Variants in REEP3 observed in about 807,000 individuals in gnomAD.
The protein encoded by REEP3 is receptor expression-enhancing protein 3.
Under a neutral mutation model 41.3 loss-of-function variants are expected in REEP3, and 20 were observed. The observed-to-expected ratio is 0.48, with a 90% CI of 0.34 to 0.70. REEP3 has a LOEUF of 0.70. Among genes scored for constraint, REEP3 ranks in the 30% least tolerant of loss-of-function variants. The pLI, the probability that REEP3 is intolerant of heterozygous loss-of-function variation, is 0.01. For missense variants in REEP3, 271 were observed against 308.8 expected (o/e 0.88, Z 0.92); for synonymous variants, 104 against 101.8 (o/e 1.02, Z -0.13).
chr10:63,547,556 A>C (rs1955590943), intron 1 of REEP3, among the ~76,000 whole-genome samples: 1 of 152,214 alleles, frequency 6.6e-6, no homozygotes, highest in Admixed American at 6.5e-5. Context: ...GTAATGCTGG[A>C]CCACATTTCT....
intron 2 of REEP3, among the ~76,000 whole-genome samples, chr10:63,567,424 T>C (rs755647620): frequency 9.2e-5 from 14 of 152,220 alleles, no homozygotes; most frequent in Non-Finnish European, 1.6e-4. Context: ...AATAGAATCA[T>C]ATAATATGTG....
chr10:63,565,790 TA>T (rs1361194277), intron 1 of REEP3, among the ~76,000 whole-genome samples: 1 of 152,218 alleles, frequency 6.6e-6, no homozygotes, highest in African/African-American at 2.4e-5. Context: ...AACCACAGAA[TA>T]TTTTTTGCAA....
intron 2 of REEP3, among the ~76,000 whole-genome samples, chr10:63,588,923 A>G (rs1370698980): frequency 2.0e-5 from 3 of 152,290 alleles, no homozygotes; most frequent in East Asian, 3.9e-4. Flanking sequence ...AGCATGCAAA[A>G]GGCCTCGAGG....
At chr10:63,613,864 T>C (rs890608486) in intron 6 of REEP3, among the ~76,000 whole-genome samples, 6 of 152,142 alleles carry the variant, frequency 3.9e-5, no homozygotes, top group Non-Finnish European at 8.8e-5. Context: ...TTAAACTATA[T>C]AATAGGAAGT....
chr10:63,609,501 T>C (rs1005301877), intron 5 of REEP3, among the ~76,000 whole-genome samples: 1 of 149,930 alleles, frequency 6.7e-6, no homozygotes, highest in Non-Finnish European at 1.5e-5. Context: ...GGCTCACATC[T>C]AAAATCTCAG....
At position 63,620,807 on chromosome 10, in the gene REEP3, C is replaced by G. The variant is rs1433946545; in HGVS notation, c.712-6C>G. The G allele has an allele frequency of 1.9e-6, 3 of 1,589,024 alleles. No individual in the cohort carries two copies. The highest frequency in any genetic ancestry group is 2.6e-6 in the Non-Finnish European group (3 of 1,162,596). On this transcript the variant is annotated splice_region_variant and splice_polypyrimidine_tract_variant and intron_variant, in intron 7 of 7. Transcript: ENST00000373758. ...ATTCTTAATAATAAAACATTTCTCT[C>G]TTCAGGTGCGGTACGGGTCACTAAA...
Position 63,608,222 on chromosome 10 carries a change from G to A in REEP3, c.418-1965G>A, listed in dbSNP as rs376103285. The stretch of plus-strand genomic sequence containing the variant: ...TAAGTAAATGATATCTAATAAGGAG[G>A]AAGCAAGTATAATAAATTAATCCAT... On this transcript the variant is annotated intron_variant, in intron 5 of 7. Coordinates refer to ENST00000373758, the MANE Select transcript of REEP3 (RefSeq NM_001001330.3). Among the ~76,000 whole-genome samples, 16 of 152,296 alleles carry A rather than the reference G, an allele frequency of 1.1e-4. No individual in the cohort carries two copies. In the East Asian group the frequency reaches 2.5e-3, roughly 24 times the overall value.
chr10:63,587,960 T>G (rs1222064198), intron 2 of REEP3, among the ~76,000 whole-genome samples: 1 of 152,248 alleles, frequency 6.6e-6, no homozygotes, highest in East Asian at 1.9e-4. Context: ...GACCTTTCAT[T>G]ATAGCCCTTG....
At chr10:63,550,725 A>C (rs916951619) in intron 1 of REEP3, among the ~76,000 whole-genome samples, 5 of 152,212 alleles carry the variant, frequency 3.3e-5, no homozygotes, top group Non-Finnish European at 1.5e-5. Context: ...ATAAGCCACA[A>C]ACCTAGAGCT....
At chr10:63,556,641 T>TTTG (rs1955688193) in intron 1 of REEP3, among the ~76,000 whole-genome samples, 1 of 100,888 alleles carries the variant, frequency 9.9e-6, no homozygotes, top group African/African-American at 3.6e-5. Flanking sequence ...TTTGTTTTTT[T>TTTG]TTTTTTTTTT....
chr10:63,587,346 T>TAG (rs1320765979), intron 2 of REEP3, among the ~76,000 whole-genome samples: 1 of 152,202 alleles, frequency 6.6e-6, no homozygotes, highest in African/African-American at 2.4e-5. Context: ...TCAATCATTG[T>TAG]AGCACTGTCA....
intron 1 of REEP3, among the ~76,000 whole-genome samples, chr10:63,540,749 G>A (rs1451537319): frequency 6.6e-6 from 1 of 151,876 alleles, no homozygotes; most frequent in African/African-American, 2.4e-5. Context: ...AAGGTTTTTT[G>A]TTTTGTTTTG....
chr10:63,574,433 T>G (rs1039160294), intron 2 of REEP3, among the ~76,000 whole-genome samples: 1 of 152,228 alleles, frequency 6.6e-6, no homozygotes, highest in African/African-American at 2.4e-5. Flanking sequence ...GCTCTACCTT[T>G]GGACAAGTTA....
chr10:63,587,328 T>G (rs760864042), intron 2 of REEP3, among the ~76,000 whole-genome samples: 3 of 152,194 alleles, frequency 2.0e-5, no homozygotes, highest in Admixed American at 1.3e-4. Context: ...GGTCCCCTTC[T>G]CCATTTCTCA....
intron 2 of REEP3, among the ~76,000 whole-genome samples, chr10:63,574,439 A>C (rs1295077604): frequency 6.6e-6 from 1 of 152,234 alleles, no homozygotes; most frequent in Non-Finnish European, 1.5e-5. Flanking sequence ...CCTTTGGACA[A>C]GTTATTTAAC....
intron 6 of REEP3, among the ~76,000 whole-genome samples, chr10:63,612,836 A>G (rs964864973): frequency 6.6e-5 from 10 of 152,208 alleles, no homozygotes; most frequent in African/African-American, 2.4e-4. Context: ...GGAGTCTGCT[A>G]CATATATTAT....
chr10:63,549,310 G>A (rs1162918083), intron 1 of REEP3, among the ~76,000 whole-genome samples: 1 of 152,242 alleles, frequency 6.6e-6, no homozygotes, highest in African/African-American at 2.4e-5. Flanking sequence ...GCTCATGCCT[G>A]TAATCCCAAC....
intron 1 of REEP3, among the ~76,000 whole-genome samples, chr10:63,557,627 G>T (rs1352917634): frequency 6.6e-6 from 1 of 152,124 alleles, no homozygotes; most frequent in Non-Finnish European, 1.5e-5. Flanking sequence ...GGTTTGCCTG[G>T]CACCTTAGAG....
Position 63,623,755 on chromosome 10 carries a change from A to ATATG in REEP3, c.*2887_*2888insATGT, listed in dbSNP as rs71463535. ...CCCCCTCACATACTTCACAATATAT[A>ATATG]TGTGTGTGTGTGTGTGTGTGTGTGT... On this transcript the variant is annotated 3_prime_UTR_variant, in exon 8 of 8. Coordinates refer to ENST00000373758, the MANE Select transcript of REEP3 (RefSeq NM_001001330.3). 16 of 142,302 alleles carry ATATG rather than the reference A, an allele frequency of 1.1e-4. No homozygotes were observed. Among genetic ancestry groups the ATATG allele is most frequent in the African/African-American group, 3.4e-4 (13 of 38,182 alleles). The allele number at this position is 142,302 out of a possible 1,614,324, so 8.8% of individuals were successfully genotyped here. A position where few individuals can be genotyped will look rare whatever the true frequency, so the allele number is the denominator to read the frequency against.
Sources: allele counts gnomAD v4.1 joint callset (sites outside exome capture counted in the v4.1 genomes callset), GRCh38; gene constraint gnomAD v4.1.1; transcripts MANE v1.5; gene names NCBI Gene and HGNC (gene_info 2026-07-23, HGNC 2026-07-21).